TNRC6C: variants seen among roughly 807,000 people sequenced by gnomAD.
The protein encoded by TNRC6C is trinucleotide repeat-containing gene 6C protein.
In TNRC6C, 20 loss-of-function variants were observed where a neutral mutation model predicts 153.7. The observed-to-expected ratio is 0.13, with a 90% CI of 0.09 to 0.19. The LOEUF is 0.19. Ranked by LOEUF, TNRC6C falls within the 10% of genes least tolerant of loss-of-function variation. The pLI is 1.00. For missense variants in TNRC6C, 1,987 were observed against 2,172.0 expected (o/e 0.91, Z 1.69); for synonymous variants, 811 against 841.4 (o/e 0.96, Z 0.63).
exon 14 of TNRC6C, chr17:78,091,504 C>A: frequency 1.2e-6 from 2 of 1,610,304 alleles, no homozygotes; most frequent in Non-Finnish European, 1.7e-6. Context: ...CGGTGAAGGA[C>A]CCATCCCAGT....
chr17:77,975,820 G>A (rs1333331986), intron 1 of TNRC6C, among the ~76,000 whole-genome samples: 1 of 152,154 alleles, frequency 6.6e-6, no homozygotes, highest in African/African-American at 2.4e-5. Context: ...ATGCAAAGAA[G>A]TGGAAAGGAT....
intron 1 of TNRC6C, among the ~76,000 whole-genome samples, chr17:77,995,141 A>G (rs1453361207): frequency 6.6e-6 from 1 of 152,258 alleles, no homozygotes; most frequent in Non-Finnish European, 1.5e-5. Flanking sequence ...AGCAGATATA[A>G]GGAGGAGACC....
intron 2 of TNRC6C, 23 bp from the exon 5 acceptor site, chr17:78,048,822 G>A: frequency 1.6e-6 from 2 of 1,233,140 alleles, no homozygotes; most frequent in East Asian, 6.3e-5. Context: ...ATCTAATTTT[G>A]AATTTTGTTT....
intron 13 of TNRC6C, among the ~76,000 whole-genome samples, chr17:78,089,022 C>CGAT (rs2073349248): frequency 2.2e-5 from 3 of 133,806 alleles, no homozygotes. Flanking sequence ...GGCTGGAGTG[C>CGAT]GATGGCGCAG....
chr17:78,071,391 G>A (rs758324480), intron 6 of TNRC6C, among the ~76,000 whole-genome samples: 2 of 152,132 alleles, frequency 1.3e-5, no homozygotes, highest in Non-Finnish European at 2.9e-5. Context: ...TATCAAAAAG[G>A]GTGTGAGAGC....
At chr17:78,031,450 G>T (rs2072072395) in intron 1 of TNRC6C, 66 bp from the exon 4 acceptor site, 2 of 1,172,006 alleles carry the variant, frequency 1.7e-6, no homozygotes, top group Non-Finnish European at 2.1e-6. Context: ...GGTTTCCTTG[G>T]TTTGGGTTGG....
At chr17:78,050,338 A>C in exon 3 of TNRC6C, 1 of 1,607,170 alleles carries the variant, frequency 6.2e-7, no homozygotes, top group Non-Finnish European at 8.5e-7. Flanking sequence ...AGATAAAGGG[A>C]TTATAGACCA....
chr17:78,103,636 C>T (rs1008433299), intron 19 of TNRC6C, 83 bp downstream of exon 22: 1 of 1,561,432 alleles, frequency 6.4e-7, no homozygotes, highest in African/African-American at 1.4e-5. Context: ...GCAGGGGTGT[C>T]CTGAGCCACC....
At chr17:78,083,454 A>G (rs1183530904) in intron 11 of TNRC6C, among the ~76,000 whole-genome samples, 1 of 152,174 alleles carries the variant, frequency 6.6e-6, no homozygotes, top group East Asian at 1.9e-4. Flanking sequence ...CTCCCACCTC[A>G]GCCACCTGAG....
intron 1 of TNRC6C, among the ~76,000 whole-genome samples, chr17:77,974,262 C>T (rs2144076533): frequency 6.6e-6 from 1 of 152,204 alleles, no homozygotes; most frequent in South Asian, 2.1e-4. Context: ...ATACACATGT[C>T]ACCAAAAAAG....
At chr17:78,095,008 G>A (rs57574050) in intron 16 of TNRC6C, among the ~76,000 whole-genome samples, 15,858 of 152,240 alleles carry the variant, frequency 0.1, 982 homozygotes, top group East Asian at 0.16. Flanking sequence ...AGCCCTCCCC[G>A]CTTGTCACAC....
chr17:77,964,228 CCT>C (rs2070881274), intron 1 of TNRC6C, among the ~76,000 whole-genome samples: 1 of 152,022 alleles, frequency 6.6e-6, no homozygotes, highest in Non-Finnish European at 1.5e-5. Flanking sequence ...CTCTGAAGAC[CCT>C]CTCTGTTTTT....
intron 10 of TNRC6C, among the ~76,000 whole-genome samples, chr17:78,081,964 C>T (rs1477634468): frequency 6.6e-6 from 1 of 152,024 alleles, no homozygotes; most frequent in East Asian, 1.9e-4. Context: ...TTCCTTCCCT[C>T]CTTTCTTTTT....
rs749446971 is a variant in TNRC6C, at chr17:78,049,144, G to A, written c.82G>A (p.Val28Ile). ...CAATAATGGCACCAATGGCGCACTCGTCCAAAGCCCTTCTAATCAGAGTGC... is the reference window on the plus strand; with the variant it reads ...CAATAATGGCACCAATGGCGCACTCATCCAAAGCCCTTCTAATCAGAGTGC... Residue 28 changes from valine to isoleucine, a missense_variant, in exon 3 of 20, where the codon GTC (valine) becomes ATC (isoleucine). Val to Ile is a conservative substitution (Grantham distance 29, BLOSUM62 3). Coordinates refer to ENST00000301624, the Ensembl canonical transcript of TNRC6C. This position sits in a 1 kb window ranked among gnomAD's most constrained non-coding sequence, Gnocchi z 4.1. 2.9e-5 allele frequency: 47 copies of A among 1,608,110 alleles called. 1 individual carries two copies. The Middle Eastern group carries it at 5.0e-4, about 17-fold the overall frequency.
chr17:78,030,402 G>T (rs934363306), intron 1 of TNRC6C, among the ~76,000 whole-genome samples: 2 of 151,996 alleles, frequency 1.3e-5, no homozygotes, highest in Non-Finnish European at 2.9e-5. Context: ...GACCTCAGGT[G>T]ATCCGCCCAC....
chr17:78,017,856 G>T (rs914351146), intron 1 of TNRC6C, among the ~76,000 whole-genome samples: 4 of 152,172 alleles, frequency 2.6e-5, no homozygotes, highest in Non-Finnish European at 5.9e-5. Flanking sequence ...TAGGTACGAG[G>T]TGCGCACACA....
intron 1 of TNRC6C, among the ~76,000 whole-genome samples, chr17:78,012,514 T>G (rs1394993811): frequency 6.6e-6 from 1 of 152,158 alleles, no homozygotes; most frequent in Non-Finnish European, 1.5e-5. Context: ...TTTAAAAAAG[T>G]TCCCTGTTCT....
chr17:78,103,581 C>A (rs2073635341), intron 19 of TNRC6C, 28 bp downstream of exon 22: 1 of 1,612,928 alleles, frequency 6.2e-7, no homozygotes, highest in African/African-American at 1.3e-5. Context: ...CACCTCAGCG[C>A]TCCAAGTAGC....
At chr17:78,024,231 A>G (rs1225224450) in intron 1 of TNRC6C, among the ~76,000 whole-genome samples, 2 of 152,214 alleles carry the variant, frequency 1.3e-5, no homozygotes, top group African/African-American at 4.8e-5. Context: ...GTGTCTATGT[A>G]TTGTGCTCTC....
Sources: allele counts gnomAD v4.1 joint callset (sites outside exome capture counted in the v4.1 genomes callset), GRCh38; gene constraint gnomAD v4.1.1; non-coding constraint Gnocchi (gnomAD v3.1); transcripts MANE v1.5; gene names NCBI Gene and HGNC (gene_info 2026-07-23, HGNC 2026-07-21).